Variants in MYO5A observed in about 807,000 individuals in gnomAD.
The protein encoded by MYO5A is unconventional myosin-Va.
Under a neutral mutation model 249.7 loss-of-function variants are expected in MYO5A, and 98 were observed. That is an observed-to-expected ratio of 0.39 (90% CI 0.33 to 0.46). The LOEUF is 0.46. Among genes scored for constraint, MYO5A ranks in the 20% least tolerant of loss-of-function variants. MYO5A has a pLI of 0.98. For missense variants in MYO5A, 1,696 were observed against 2,308.8 expected (o/e 0.73, Z 5.44); for synonymous variants, 778 against 810.6 (o/e 0.96, Z 0.68).
intron 4 of MYO5A, among the ~76,000 whole-genome samples, chr15:52,422,820 G>A (rs1241160759): frequency 2.6e-5 from 4 of 152,092 alleles, no homozygotes; most frequent in South Asian, 2.1e-4. Flanking sequence ...GGGCTCAAGC[G>A]ATCCTCCCAC....
At chr15:52,364,725 C>G in intron 23 of MYO5A, 23 bp from the exon 24 acceptor site, 2 of 1,612,164 alleles carry the variant, frequency 1.2e-6, no homozygotes, top group Non-Finnish European at 8.5e-7. Context: ...AAAGGATATG[C>G]ATACTAAAGA....
intron 6 of MYO5A, among the ~76,000 whole-genome samples, chr15:52,410,008 T>C (rs903804906): frequency 6.6e-6 from 1 of 152,170 alleles, no homozygotes; most frequent in Non-Finnish European, 1.5e-5. Flanking sequence ...ATTGAGAGCA[T>C]GGAACAATGC....
intron 3 of MYO5A, among the ~76,000 whole-genome samples, chr15:52,427,200 G>A (rs1253176327): frequency 6.6e-6 from 1 of 152,064 alleles, no homozygotes; most frequent in Non-Finnish European, 1.5e-5. Context: ...TTAACTTAAT[G>A]AAGTCGTCCA....
chr15:52,405,361 G>A lies in MYO5A; in HGVS notation c.979C>T (p.Arg327Ter). 2 of 1,613,432 alleles carry A rather than the reference G, an allele frequency of 1.2e-6. No homozygotes were observed. The highest frequency in any genetic ancestry group is 1.7e-6 in the Non-Finnish European group (2 of 1,179,476). Reference sequence around the variant, plus strand: ...AAGTGAAGGATGCCAGCAAGTATTCGGAAAATTCCCATTTGATGAGATTCA... The same window carrying A: ...AAGTGAAGGATGCCAGCAAGTATTCAGAAAATTCCCATTTGATGAGATTCA... ...ISESHQMGIFRILAGILHLGN... is the reference protein window; with the variant it reads ...ISESHQMGIF Residue 327 changes from arginine to a stop codon, truncating the protein, a stop_gained, in exon 9 of 42, where the codon CGA becomes TGA. Coordinates refer to ENST00000399233, the MANE Select transcript of MYO5A (RefSeq NM_001382347.1). LOFTEE classifies it high-confidence loss of function.
chr15:52,323,848 AC>A (rs1211468983), intron 36 of MYO5A: 1 of 269,960 alleles, frequency 3.7e-6, no homozygotes, highest in East Asian at 9.5e-5. Context: ...TACTAAAAAT[AC>A]AAAAATTAGC....
chr15:52,442,372 G>C (rs147763761), intron 1 of MYO5A, among the ~76,000 whole-genome samples: 316 of 152,282 alleles, frequency 2.1e-3, no homozygotes, highest in Non-Finnish European at 3.1e-3. Context: ...GAGAAAAAAG[G>C]GGTGTGGAGT....
chr15:52,435,635 G>A (rs1308682933), intron 1 of MYO5A: 1 of 454,890 alleles, frequency 2.2e-6, no homozygotes, highest in Non-Finnish European at 4.4e-6. Context: ...AGCTGCTGTG[G>A]TATATTGCCA....
Position 52,351,426 on chromosome 15 carries a change from C to A in MYO5A, c.3677G>T (p.Arg1226Leu). The A allele has an allele frequency of 6.2e-7, 1 of 1,614,166 alleles. No homozygotes were observed. Among genetic ancestry groups the A allele is most frequent in the Non-Finnish European group, 8.5e-7 (1 of 1,180,026 alleles). Residue 1226 changes from arginine to leucine, a missense_variant, in exon 28 of 42, where the codon CGC becomes CTC. This residue lies in a region of MYO5A where 625 missense variants were observed against 908.1 expected (regional missense o/e 0.69). Coordinates refer to ENST00000399233, the MANE Select transcript of MYO5A (RefSeq NM_001382347.1). ...KKLKNELNEL[R>L]KALSEKSAPE... is the part of the protein sequence containing the mutation. ...GGCACTTTTCTCACTGAGGGCCTTG[C>A]GCAACTCATTTAGCTCATTCTTCAG...
At chr15:52,408,279 T>G in intron 6 of MYO5A, 139 bp from the exon 7 acceptor site, 1 of 624,160 alleles carries the variant, frequency 1.6e-6, no homozygotes, top group Non-Finnish European at 2.8e-6. Flanking sequence ...AATACTTATT[T>G]CTGATTATTA....
chr15:52,436,356 A>G (rs2075663338), intron 1 of MYO5A, among the ~76,000 whole-genome samples: 2 of 152,202 alleles, frequency 1.3e-5, no homozygotes, highest in Non-Finnish European at 2.9e-5. Flanking sequence ...CTTCAGGAAC[A>G]CAGTTTTGTT....
At chr15:52,473,873 G>A (rs1316082492) in intron 1 of MYO5A, among the ~76,000 whole-genome samples, 4 of 152,138 alleles carry the variant, frequency 2.6e-5, no homozygotes, top group African/African-American at 9.7e-5. Flanking sequence ...TTGGCAATGT[G>A]GGCTCTTCTG....
At chr15:52,412,114 G>T (rs560746316) in intron 5 of MYO5A, among the ~76,000 whole-genome samples, 2 of 152,294 alleles carry the variant, frequency 1.3e-5, no homozygotes, top group South Asian at 4.2e-4. Flanking sequence ...GCAAATGAAA[G>T]ATTACATGTA....
chr15:52,403,638 A>G (rs952214185), intron 9 of MYO5A, among the ~76,000 whole-genome samples: 1 of 152,224 alleles, frequency 6.6e-6, no homozygotes, highest in Non-Finnish European at 1.5e-5. Flanking sequence ...ATGGTTGCAC[A>G]TATCTGTGAA....
At chr15:52,391,255 C>T (rs1031052434) in intron 12 of MYO5A, among the ~76,000 whole-genome samples, 6 of 152,124 alleles carry the variant, frequency 3.9e-5, no homozygotes, top group South Asian at 4.1e-4. Flanking sequence ...GGGTCAAGAG[C>T]GGTGTACCAT....
At chr15:52,509,187 G>A (rs1427117258) in intron 1 of MYO5A, among the ~76,000 whole-genome samples, 2 of 152,064 alleles carry the variant, frequency 1.3e-5, no homozygotes, top group Non-Finnish European at 2.9e-5. Flanking sequence ...GCCCTGGCTT[G>A]GATTGAACTC....
chr15:52,514,412 A>G (rs773431366), intron 1 of MYO5A, among the ~76,000 whole-genome samples: 2 of 152,244 alleles, frequency 1.3e-5, no homozygotes, highest in Non-Finnish European at 2.9e-5. Flanking sequence ...TTAGGACAGA[A>G]GTAAACTGAA....
intron 1 of MYO5A, among the ~76,000 whole-genome samples, chr15:52,528,060 A>G (rs1385380827): frequency 1.3e-5 from 2 of 152,226 alleles, no homozygotes; most frequent in Non-Finnish European, 2.9e-5. Context: ...AAAGACTGCC[A>G]CTTCCCTTAA....
intron 21 of MYO5A, 29 bp from the exon 22 acceptor site, chr15:52,370,446 G>A: frequency 5.1e-6 from 8 of 1,580,552 alleles, no homozygotes; most frequent in Non-Finnish European, 7.0e-6. Context: ...GTAACAATAA[G>A]TAAATACACA....
At chr15:52,332,181 A>T (rs1302763661) in intron 34 of MYO5A, among the ~76,000 whole-genome samples, 1 of 152,234 alleles carries the variant, frequency 6.6e-6, no homozygotes, top group East Asian at 1.9e-4. Flanking sequence ...GGAGAAAACA[A>T]GTTCAACATA....
Sources: gnomAD v4.1 joint callset for allele counts (sites outside exome capture counted in the v4.1 genomes callset) on GRCh38, gnomAD v4.1.1 for gene constraint, gnomAD v4.1.1 regional missense constraint, MANE v1.5 for transcripts, NCBI Gene and HGNC (gene_info 2026-07-23, HGNC 2026-07-21) for gene names.